Variants in ABI1 observed in about 807,000 individuals in gnomAD.
The protein encoded by ABI1 is abl interactor 1, also known as Abelson interactor 1.
Under a neutral mutation model 54.6 loss-of-function variants are expected in ABI1, and 14 were observed. The observed-to-expected ratio is 0.26, with a 90% CI of 0.17 to 0.40. ABI1 has a LOEUF of 0.40. ABI1 is among the 10% of genes least tolerant of loss of function. ABI1 has a pLI of 1.00. For missense variants in ABI1, 443 were observed against 598.3 expected (o/e 0.74, Z 2.71); for synonymous variants, 194 against 209.3 (o/e 0.93, Z 0.63).
chr10:26,781,647 T>C (rs890361600), intron 2 of ABI1, among the ~76,000 whole-genome samples: 1 of 152,096 alleles, frequency 6.6e-6, no homozygotes, highest in Non-Finnish European at 1.5e-5. Flanking sequence ...ATATTTTTAC[T>C]GACTATCAGG....
rs1171588770 is a variant in ABI1, at chr10:26,748,273, G to A, written c.*297C>T. The A allele has an allele frequency of 1.5e-5, 4 of 275,576 alleles. No individual in the cohort carries two copies. The highest frequency in any genetic ancestry group is 2.1e-5 in the African/African-American group (1 of 46,698). The allele number at this position is 275,576 out of a possible 1,614,324, so 17.1% of individuals were successfully genotyped here. A position where few individuals can be genotyped will look rare whatever the true frequency, so the allele number is the denominator to read the frequency against. ...AATGGTACAATCTGAATCATGATTC[G>A]TTAAATATTATACCCCACTTCCCCC... On this transcript the variant is annotated 3_prime_UTR_variant, in exon 11 of 11. Coordinates refer to ENST00000376140, the MANE Select transcript of ABI1 (RefSeq NM_001012750.3).
At chr10:26,843,898 ATTTATCT>A (rs2049781841) in intron 1 of ABI1, among the ~76,000 whole-genome samples, 1 of 152,190 alleles carries the variant, frequency 6.6e-6, no homozygotes, top group Non-Finnish European at 1.5e-5. Flanking sequence ...CCTATAACTC[ATTTATCT>A]TATATTTAAC....
At chr10:26,824,321 G>A (rs116982478) in intron 1 of ABI1, among the ~76,000 whole-genome samples, 4 of 152,272 alleles carry the variant, frequency 2.6e-5, no homozygotes, top group African/African-American at 9.6e-5. Context: ...GTGATATCCA[G>A]CAATATTACA....
Position 26,755,715 on chromosome 10 carries a change from TA to T in ABI1, c.1023del (p.Met342CysfsTer4), listed in dbSNP as rs1838217478. On this transcript the variant is annotated frameshift_variant, in exon 9 of 11. Coordinates refer to ENST00000376140, the MANE Select transcript of ABI1 (RefSeq NM_001012750.3). LOFTEE classifies it high-confidence loss of function. ...NSISIAPPPP[P>X]MPQLTPQIPL... ...GGTATCTGTGGAGTCAACTGAGGCA[TA>T]GGGGGAGGGGGTGGAGCAATAGAAA... The T allele has an allele frequency of 6.2e-7, 1 of 1,612,594 alleles. No homozygotes were observed. The highest frequency in any genetic ancestry group is 1.7e-5 in the Admixed American group (1 of 59,896).
At chr10:26,772,946 G>A (rs563012645) in intron 3 of ABI1, among the ~76,000 whole-genome samples, 3 of 151,760 alleles carry the variant, frequency 2.0e-5, no homozygotes, top group South Asian at 4.2e-4. Flanking sequence ...GCATAGTGGC[G>A]CACACCTGTA....
At chr10:26,810,162 A>G (rs2133542591) in intron 2 of ABI1, among the ~76,000 whole-genome samples, 1 of 152,270 alleles carries the variant, frequency 6.6e-6, no homozygotes. Context: ...TGTGGTCTGC[A>G]CTAACTCTGT....
At chr10:26,843,972 A>G (rs557831434) in intron 1 of ABI1, among the ~76,000 whole-genome samples, 2 of 152,348 alleles carry the variant, frequency 1.3e-5, no homozygotes, top group South Asian at 4.1e-4. Flanking sequence ...AATGAACAGA[A>G]TATGTCAGGA....
chr10:26,790,463 C>T (rs1409250888), intron 2 of ABI1: 2 of 151,950 alleles, frequency 1.3e-5, no homozygotes, highest in African/African-American at 4.8e-5. Context: ...TGTTCAAGTC[C>T]TTTGCCCACT....
At chr10:26,775,524 T>C (rs1477798117) in intron 3 of ABI1, among the ~76,000 whole-genome samples, 1 of 151,990 alleles carries the variant, frequency 6.6e-6, no homozygotes, top group Non-Finnish European at 1.5e-5. Flanking sequence ...GTCTAATGTA[T>C]CCATATTATG....
intron 2 of ABI1, among the ~76,000 whole-genome samples, chr10:26,812,864 G>C (rs867511432): frequency 6.6e-6 from 1 of 152,106 alleles, no homozygotes; most frequent in African/African-American, 2.4e-5. Flanking sequence ...TGAGGGACTG[G>C]GAGTTATGAC....
intron 7 of ABI1, among the ~76,000 whole-genome samples, chr10:26,764,150 T>C (rs1020992282): frequency 6.6e-6 from 1 of 152,212 alleles, no homozygotes; most frequent in African/African-American, 2.4e-5. Flanking sequence ...CTATCAAATA[T>C]GCCTATGTTT....
At chr10:26,765,342 G>A in intron 6 of ABI1, 24 bp from the exon 7 acceptor site, 1 of 1,513,892 alleles carries the variant, frequency 6.6e-7, no homozygotes, top group Non-Finnish European at 8.9e-7. Context: ...AAAAAACTGT[G>A]AAAAACCAAT....
chr10:26,765,276 G>A lies in ABI1; in HGVS notation c.762C>T (p.Ser254=), dbSNP rs1318813339. ...GGSGSRENSG[S]SSIGIPIAVP... ...CAGCAATGGGAATGCCAATACTACT[G>A]CTACCACTGTTTTCTCGACTTCCAC... The change falls in exon 7 of 11, where the codon AGC becomes AGT. Residue 254 remains serine (S), a synonymous_variant. Coordinates refer to ENST00000376140, the MANE Select transcript of ABI1 (RefSeq NM_001012750.3). 2 of 1,596,242 alleles carry A rather than the reference G, an allele frequency of 1.3e-6. No homozygotes were observed. The highest frequency in any genetic ancestry group is 1.7e-6 in the Non-Finnish European group (2 of 1,175,380).
intron 2 of ABI1, among the ~76,000 whole-genome samples, chr10:26,807,883 G>C (rs1314717097): frequency 1.3e-5 from 2 of 152,180 alleles, no homozygotes; most frequent in Non-Finnish European, 2.9e-5. Flanking sequence ...CTTGAGGTCA[G>C]GAGTTGGAGG....
intron 1 of ABI1, among the ~76,000 whole-genome samples, chr10:26,859,655 T>C (rs905915904): frequency 2.0e-5 from 3 of 152,198 alleles, no homozygotes; most frequent in African/African-American, 7.2e-5. Context: ...CAAACAAGCA[T>C]CTGTCACAAA....
Position 26,815,406 on chromosome 10 carries a change from T to G in ABI1, c.285+7732A>C, listed in dbSNP as rs193124280. 2.0e-4 allele frequency among the ~76,000 whole-genome samples: 30 copies of G among 152,308 alleles called. No homozygotes were observed. In the East Asian group the frequency reaches 5.0e-3, roughly 25 times the overall value. Reference sequence around the variant, plus strand: ...CTGAAATAACTACATCTGTATGAATTAAGACATCTTCCAAAGAATGAGAAT... The same window carrying G: ...CTGAAATAACTACATCTGTATGAATGAAGACATCTTCCAAAGAATGAGAAT... On this transcript the variant is annotated intron_variant, in intron 2 of 10. Transcript: ENST00000376140.
At chr10:26,806,168 C>T (rs544396427) in intron 2 of ABI1, among the ~76,000 whole-genome samples, 24 of 152,296 alleles carry the variant, frequency 1.6e-4, no homozygotes, top group African/African-American at 5.5e-4. Flanking sequence ...ATTCTACCCT[C>T]CTGATCCTTG....
chr10:26,765,532 T>A (rs1345343383), intron 6 of ABI1, among the ~76,000 whole-genome samples: 1 of 151,974 alleles, frequency 6.6e-6, no homozygotes, highest in Non-Finnish European at 1.5e-5. Flanking sequence ...ACATGAAACA[T>A]TGGTTTTCCT....
At chr10:26,813,715 G>T (rs1588956998) in intron 2 of ABI1, among the ~76,000 whole-genome samples, 2 of 96,216 alleles carry the variant, frequency 2.1e-5, no homozygotes, top group East Asian at 6.8e-4. Context: ...CCCAGTGATC[G>T]TCTTACCAAA....
Sources: gnomAD v4.1 joint callset for allele counts (sites outside exome capture counted in the v4.1 genomes callset) on GRCh38, gnomAD v4.1.1 for gene constraint, MANE v1.5 for transcripts, NCBI Gene and HGNC (gene_info 2026-07-23, HGNC 2026-07-21) for gene names.